Variants in CCND2 observed in about 807,000 individuals in gnomAD.
CCND2 encodes the protein cyclin D2, also known as G1/S-specific cyclin-D2.
A neutral mutation model predicts 30.2 loss-of-function variants in CCND2; 6 were observed. The observed-to-expected ratio is 0.20, with a 90% confidence interval of 0.11 to 0.39. The LOEUF (loss-of-function observed/expected upper bound fraction) is 0.39. CCND2 is among the 10% of genes least tolerant of loss of function. The pLI is 1.00. For missense variants in CCND2, 235 were observed against 373.4 expected (o/e 0.63, Z 3.06); for synonymous variants, 150 against 153.1 (o/e 0.98, Z 0.15).
At chr12:4,281,083 C>T (rs934268269) in intron 3 of CCND2, among the ~76,000 whole-genome samples, 1 of 152,100 alleles carries the variant, frequency 6.6e-6, no homozygotes, top group Admixed American at 6.6e-5. Flanking sequence ...GTTTTGGGGG[C>T]CTTGAACTAG....
chr12:4,278,727 A>T (rs1268410139), intron 2 of CCND2, 33 bp from the exon 3 acceptor site: 2 of 1,609,160 alleles, frequency 1.2e-6, no homozygotes, highest in Admixed American at 3.3e-5. Flanking sequence ...TGGAATTTAG[A>T]TTCTCCTCTT....
chr12:4,284,648 A>C (rs1863996097), intron 3 of CCND2, among the ~76,000 whole-genome samples: 1 of 151,812 alleles, frequency 6.6e-6, no homozygotes, highest in African/African-American at 2.4e-5. Flanking sequence ...CTACTCTCCA[A>C]ATCCTTCCCA....
intron 4 of CCND2, among the ~76,000 whole-genome samples, chr12:4,290,394 G>A (rs1358979664): frequency 6.6e-6 from 1 of 152,232 alleles, no homozygotes; most frequent in South Asian, 2.1e-4. Context: ...CATGAAGAAT[G>A]CTTTTCTAAT....
chr12:4,275,987 T>G lies in CCND2; in HGVS notation c.196-18T>G. The stretch of plus-strand genomic sequence containing the variant: ...CTCTCCACCCCCGCCCCCCAACCCT[T>G]TCCCACTCCCATTATAGGTCTGTGA... On this transcript the variant is annotated intron_variant, in intron 1 of 4. Coordinates refer to ENST00000261254, the MANE Select transcript of CCND2 (RefSeq NM_001759.4). 4.5e-6 allele frequency: 6 copies of G among 1,320,444 alleles called. No homozygotes were observed. Among genetic ancestry groups the G allele is most frequent in the African/African-American group, 1.5e-5 (1 of 68,326 alleles). 81.8% of individuals were successfully genotyped at this position (1,320,444 alleles called of 1,614,324 possible). A position where few individuals can be genotyped will look rare whatever the true frequency, so the allele number is the denominator to read the frequency against.
Position 4,274,235 on chromosome 12 carries a change from G to A in CCND2, c.195G>A (p.Glu65=). Residue 65 remains glutamate, a splice_region_variant and synonymous_variant, in exon 1 of 5, where the codon GAG becomes GAA. Transcript: ENST00000261254. The surrounding 1 kb of genome is among the most constrained non-coding windows in gnomAD (Gnocchi z 7.7). ...MRRMVATWML[E]VCEEQKCEEE... ...GAATGGTGGCCACCTGGATGCTGGA[G>A]GTAGGTCGGGGGGTGGCGCTCGCCA... The A allele has an allele frequency of 6.2e-7, 1 of 1,613,510 alleles. No individual in the cohort carries two copies. The highest frequency in any genetic ancestry group is 8.5e-7 in the Non-Finnish European group (1 of 1,179,638).
rs1207506137 is a variant in CCND2, at chr12:4,285,090, C to T, written c.572-3752C>T. On this transcript the variant is annotated intron_variant, in intron 3 of 4. Transcript: ENST00000261254. This position sits in a 1 kb window ranked among gnomAD's most constrained non-coding sequence, Gnocchi z 4.1. Reference sequence around the variant, plus strand: ...TTCAGAAGTTATCCATATAGTAGTACAGACCTAGCCATTATAGCACACCAT... The same window carrying T: ...TTCAGAAGTTATCCATATAGTAGTATAGACCTAGCCATTATAGCACACCAT... Among the ~76,000 whole-genome samples, 1 of 152,186 alleles carries T rather than the reference C, an allele frequency of 6.6e-6. No individual in the cohort carries two copies. Among genetic ancestry groups the T allele is most frequent in the Non-Finnish European group, 1.5e-5 (1 of 68,026 alleles).
intron 2 of CCND2, among the ~76,000 whole-genome samples, chr12:4,278,364 C>T (rs960895802): frequency 2.0e-5 from 3 of 151,824 alleles, no homozygotes; most frequent in African/African-American, 7.3e-5. Flanking sequence ...GAGACATATA[C>T]AATAAATTAC....
Position 4,293,384 on chromosome 12 carries a change from CTT to C in CCND2, c.720+4396_720+4397del, listed in dbSNP as rs1591649572. On this transcript the variant is annotated intron_variant, in intron 4 of 4. Transcript: ENST00000261254. The surrounding 1 kb of genome is among the most constrained non-coding windows in gnomAD (Gnocchi z 4.9). ...TTTTTGTCTAAGTCACATCAAAACTCTTTGTCACATTCTTTAAAAACAAAAAG... is the reference window on the plus strand; with the variant it reads ...TTTTTGTCTAAGTCACATCAAAACTCTGTCACATTCTTTAAAAACAAAAAG... Among the ~76,000 whole-genome samples, 3 of 152,172 alleles carry C rather than the reference CTT, an allele frequency of 2.0e-5. No homozygotes were observed. Among genetic ancestry groups the C allele is most frequent in the Admixed American group, 6.5e-5 (1 of 15,278 alleles).
At chr12:4,294,646 C>G (rs1864143373) in intron 4 of CCND2, among the ~76,000 whole-genome samples, 1 of 152,154 alleles carries the variant, frequency 6.6e-6, no homozygotes, top group Non-Finnish European at 1.5e-5. Context: ...GGAGGCTTGC[C>G]CTTTCTAAAG....
chr12:4,300,712 C>T lies in CCND2; in HGVS notation c.*703C>T, dbSNP rs1297048533. The T allele has an allele frequency of 4.3e-6, 1 of 233,608 alleles. No individual in the cohort carries two copies. Among genetic ancestry groups the T allele is most frequent in the Non-Finnish European group, 8.5e-6 (1 of 118,072 alleles). 14.5% of individuals were successfully genotyped at this position (233,608 alleles called of 1,614,324 possible). On this transcript the variant is annotated 3_prime_UTR_variant, in exon 5 of 5. Coordinates refer to ENST00000261254, the MANE Select transcript of CCND2 (RefSeq NM_001759.4). ...GGGTTTCATGTTCTGTGACATCCTG[C>T]TTCTTCTTCCAAATGCAGTTCATTG...
At chr12:4,283,333 G>A (rs561045703) in intron 3 of CCND2, among the ~76,000 whole-genome samples, 63 of 152,144 alleles carry the variant, frequency 4.1e-4, no homozygotes, top group Non-Finnish European at 7.8e-4. Context: ...GAGCCAGAGC[G>A]CCACCTTTGG....
Position 4,274,272 on chromosome 12 carries a change from C to T in CCND2, c.195+37C>T, listed in dbSNP as rs1394438474. 1 of 1,600,232 alleles carries T rather than the reference C, an allele frequency of 6.2e-7. No individual in the cohort carries two copies. The highest frequency in any genetic ancestry group is 2.2e-5 in the East Asian group (1 of 44,656). On this transcript the variant is annotated intron_variant, in intron 1 of 4. Coordinates refer to ENST00000261254, the MANE Select transcript of CCND2 (RefSeq NM_001759.4). This position sits in a 1 kb window ranked among gnomAD's most constrained non-coding sequence, Gnocchi z 7.7. ...GGTGGCGCTCGCCAGGAGCCAGGACCCCTCCGGATGCTCGGGTCCCCGGCC... is the reference window on the plus strand; with the variant it reads ...GGTGGCGCTCGCCAGGAGCCAGGACTCCTCCGGATGCTCGGGTCCCCGGCC...
At position 4,291,019 on chromosome 12, in the gene CCND2, A is replaced by G. The variant is rs115776585; in HGVS notation, c.720+2029A>G. On this transcript the variant is annotated intron_variant, in intron 4 of 4. Coordinates refer to ENST00000261254, the MANE Select transcript of CCND2 (RefSeq NM_001759.4). ...GTGTGTGCCTCATTCACACCGGTGG[A>G]CCTGGGTTGAACATGTTCATATTTA... Among the ~76,000 whole-genome samples, 896 of 152,208 alleles carry G rather than the reference A, an allele frequency of 5.9e-3. 8 individuals are homozygous for G. The highest frequency in any genetic ancestry group is 0.021 in the African/African-American group (856 of 41,518).
At position 4,276,290 on chromosome 12, in the gene CCND2, T is replaced by TGTG. The variant is rs1167751528; in HGVS notation, c.411+70_411+71insGTG. The TGTG allele has an allele frequency of 7.5e-7, 1 of 1,338,526 alleles. No homozygotes were observed. The highest frequency in any genetic ancestry group is 1.0e-6 in the Non-Finnish European group (1 of 956,352). 82.9% of individuals were successfully genotyped at this position (1,338,526 alleles called of 1,614,324 possible). On this transcript the variant is annotated intron_variant, in intron 2 of 4. Transcript: ENST00000261254. The surrounding 1 kb of genome is among the most constrained non-coding windows in gnomAD (Gnocchi z 4.8). Reference sequence around the variant, plus strand: ...TTCCCCTGGCCAACAATATGCCTTCTATCACCACTGCCAGAGCAAATTCTT... The same window carrying TGTG: ...TTCCCCTGGCCAACAATATGCCTTCTGTGATCACCACTGCCAGAGCAAATTCTT...
chr12:4,284,407 C>T (rs1863993402), intron 3 of CCND2, among the ~76,000 whole-genome samples: 1 of 152,220 alleles, frequency 6.6e-6, no homozygotes, highest in South Asian at 2.1e-4. Context: ...TACTCTGAAC[C>T]AGTGAGCTGT....
chr12:4,276,590 G>GA lies in CCND2; in HGVS notation c.411+372dup, dbSNP rs1234190406. ...TTCCAAATTTCCAAAAATAGTCTGA[G>GA]AACGTGTTCACATGATAGGTATGTG... On this transcript the variant is annotated intron_variant, in intron 2 of 4. Transcript: ENST00000261254. This position sits in a 1 kb window ranked among gnomAD's most constrained non-coding sequence, Gnocchi z 4.8. 2.6e-5 allele frequency among the ~76,000 whole-genome samples: 4 copies of GA among 152,206 alleles called. No individual in the cohort carries two copies.
Position 4,285,240 on chromosome 12 carries a change from C to G in CCND2, c.572-3602C>G. 1.0e-6 allele frequency: 1 copy of G among 961,920 alleles called. No homozygotes were observed. Among genetic ancestry groups the G allele is most frequent in the Non-Finnish European group, 1.2e-6 (1 of 808,460 alleles). 59.6% of individuals were successfully genotyped at this position (961,920 alleles called of 1,614,324 possible). A position where few individuals can be genotyped will look rare whatever the true frequency, so the allele number is the denominator to read the frequency against. On this transcript the variant is annotated intron_variant, in intron 3 of 4. Coordinates refer to ENST00000261254, the MANE Select transcript of CCND2 (RefSeq NM_001759.4). The surrounding 1 kb of genome is among the most constrained non-coding windows in gnomAD (Gnocchi z 4.1). ...TTGTCATGAGTCGATCAGAATGGATCGCTGATCGGTTCATTGCCTCTCTCT... is the reference window on the plus strand; with the variant it reads ...TTGTCATGAGTCGATCAGAATGGATGGCTGATCGGTTCATTGCCTCTCTCT...
chr12:4,301,146 G>A lies in CCND2; in HGVS notation c.*1137G>A, dbSNP rs891688921. On this transcript the variant is annotated 3_prime_UTR_variant, in exon 5 of 5. Transcript: ENST00000261254. Reference sequence around the variant, plus strand: ...TACACAGTTCTGGTGTTCCTACCAGGACTCAAGAGACACCCCTTCCTGCTG... The same window carrying A: ...TACACAGTTCTGGTGTTCCTACCAGAACTCAAGAGACACCCCTTCCTGCTG... 104 of 233,312 alleles carry A rather than the reference G, an allele frequency of 4.5e-4. No homozygotes were observed. The highest frequency in any genetic ancestry group is 1.0e-4 in the Non-Finnish European group (12 of 118,000). 14.5% of individuals were successfully genotyped at this position (233,312 alleles called of 1,614,324 possible). A position where few individuals can be genotyped will look rare whatever the true frequency, so the allele number is the denominator to read the frequency against.
At position 4,303,705 on chromosome 12, in the gene CCND2, T is replaced by A. The variant is rs1433798405; in HGVS notation, c.*3696T>A. Reference sequence around the variant, plus strand: ...GCCTGCAGGAGAAAGCCAAGGGCAGTTCCCTCCGCAGAACACCCCATGCGT... The same window carrying A: ...GCCTGCAGGAGAAAGCCAAGGGCAGATCCCTCCGCAGAACACCCCATGCGT... On this transcript the variant is annotated 3_prime_UTR_variant, in exon 5 of 5. Transcript: ENST00000261254. This position sits in a 1 kb window ranked among gnomAD's most constrained non-coding sequence, Gnocchi z 4.6. 1 of 233,504 alleles carries A rather than the reference T, an allele frequency of 4.3e-6. No individual in the cohort carries two copies. The highest frequency in any genetic ancestry group is 8.5e-6 in the Non-Finnish European group (1 of 118,032). The allele number at this position is 233,504 out of a possible 1,614,324, so 14.5% of individuals were successfully genotyped here.
Sources: allele counts gnomAD v4.1 joint callset (sites outside exome capture counted in the v4.1 genomes callset), GRCh38; gene constraint gnomAD v4.1.1; non-coding constraint Gnocchi (gnomAD v3.1); transcripts MANE v1.5; gene names NCBI Gene and HGNC (gene_info 2026-07-23, HGNC 2026-07-21).